The following PCDH15 variants were observed in gnomAD, a reference collection of about 807,000 sequenced individuals.
The protein encoded by PCDH15 is protocadherin-15.
A neutral mutation model predicts 178.5 loss-of-function variants in PCDH15; 129 were observed. The observed-to-expected ratio is 0.72, with a 90% CI of 0.63 to 0.84. The LOEUF (loss-of-function observed/expected upper bound fraction) is 0.84, where lower values mean the gene tolerates loss of function less well. Ranked by LOEUF, PCDH15 falls within the 40% of genes least tolerant of loss-of-function variation. The probability of loss-of-function intolerance (pLI) is 0.00; values close to 1 mark genes in which losing one functional copy is unlikely to be tolerated. For missense variants in PCDH15, 2,230 were observed against 2,099.9 expected, an observed-to-expected ratio of 1.06 and a Z score of -1.21; for synonymous variants, 800 against 732.0, an observed-to-expected ratio of 1.09 and a Z score of -1.50.
chr10:54,337,640 A>G (rs1941441767), intron 6 of PCDH15, among the ~76,000 whole-genome samples: 1 of 152,132 alleles, frequency 6.6e-6, no homozygotes, highest in South Asian at 2.1e-4. Context: ...TTTGCCCCCT[A>G]TGCCATCCCT....
rs532454239 is a variant in PCDH15 at position 53,981,149 on chromosome 10, C to T, written c.2868+14500G>A. Among the ~76,000 whole-genome samples the T allele has an allele frequency of 4.7e-4, 71 of 151,846 alleles. No homozygotes were observed. The South Asian group carries it at 9.8e-3, about 21-fold the overall frequency. The stretch of plus-strand genomic sequence containing the variant: ...GATATAATTCTACAGAGTAATAAGG[C>T]GAGAATAATTAATATAGCAGAATGA... On this transcript the variant is annotated intron_variant, in intron 21 of 37. Transcript: ENST00000644397.
chr10:55,339,548 T>A (rs190967855), intron 2 of PCDH15, among the ~76,000 whole-genome samples: 1 of 152,300 alleles, frequency 6.6e-6, no homozygotes, highest in East Asian at 1.9e-4. Flanking sequence ...AAAAGGTTTT[T>A]CTATGCTGCA....
intron 2 of PCDH15, among the ~76,000 whole-genome samples, chr10:55,544,511 T>C (rs1465937449): frequency 6.6e-6 from 1 of 152,148 alleles, no homozygotes; most frequent in Non-Finnish European, 1.5e-5. Flanking sequence ...ATAAAGATCA[T>C]TACTTGTTTT....
At chr10:55,132,223 A>G (rs909721298) in intron 2 of PCDH15, among the ~76,000 whole-genome samples, 3 of 152,320 alleles carry the variant, frequency 2.0e-5, no homozygotes, top group African/African-American at 7.2e-5. Flanking sequence ...CTAACTTCTT[A>G]TACTTATTTG....
intron 5 of PCDH15, among the ~76,000 whole-genome samples, chr10:54,367,715 G>T (rs1194296104): frequency 6.6e-6 from 1 of 151,790 alleles, no homozygotes; most frequent in African/African-American, 2.4e-5. Flanking sequence ...TAGATGATGG[G>T]TTGATGGGTG....
At chr10:55,363,530 T>C (rs1032223354) in intron 2 of PCDH15, among the ~76,000 whole-genome samples, 6 of 152,200 alleles carry the variant, frequency 3.9e-5, no homozygotes, top group African/African-American at 1.4e-4. Context: ...CCCACTATCT[T>C]TACATTTTCT....
At chr10:55,416,565 T>C (rs533009605) in intron 2 of PCDH15, among the ~76,000 whole-genome samples, 45 of 151,708 alleles carry the variant, frequency 3.0e-4, no homozygotes, top group Non-Finnish European at 5.5e-4. Flanking sequence ...ATCAGGGGAA[T>C]CATCAAACTT....
At chr10:55,233,240 C>T (rs375841250) in intron 1 of PCDH15, among the ~76,000 whole-genome samples, 1 of 151,982 alleles carries the variant, frequency 6.6e-6, no homozygotes, top group Non-Finnish European at 1.5e-5. Context: ...ATAACTTTCA[C>T]GTTTCTCCTT....
At chr10:54,468,298 TA>T (rs1366849242) in intron 3 of PCDH15, among the ~76,000 whole-genome samples, 3 of 152,016 alleles carry the variant, frequency 2.0e-5, no homozygotes, top group South Asian at 2.1e-4. Flanking sequence ...CGTTTATTGC[TA>T]AAAACTTTCC....
chr10:54,625,564 GCTCT>G (rs1447405019), intron 2 of PCDH15, among the ~76,000 whole-genome samples: 1 of 152,128 alleles, frequency 6.6e-6, no homozygotes, highest in Non-Finnish European at 1.5e-5. Context: ...GCCTGCACAA[GCTCT>G]CTCTTTGCCT....
intron 13 of PCDH15, 42 bp from the exon 14 acceptor site, chr10:54,153,335 C>T (rs755392703): frequency 2.5e-6 from 4 of 1,604,410 alleles, no homozygotes; most frequent in South Asian, 2.2e-5. Flanking sequence ...TGGGTCTCAA[C>T]TTTTCACCAC....
At chr10:55,116,059 A>G (rs1196100542) in intron 2 of PCDH15, among the ~76,000 whole-genome samples, 1 of 152,178 alleles carries the variant, frequency 6.6e-6, no homozygotes, top group Non-Finnish European at 1.5e-5. Flanking sequence ...AATAAATTTG[A>G]GGACACTGTA....
At chr10:54,780,609 G>T (rs545349819) in intron 1 of PCDH15, among the ~76,000 whole-genome samples, 3 of 151,900 alleles carry the variant, frequency 2.0e-5, no homozygotes, top group African/African-American at 7.2e-5. Flanking sequence ...AACATTTTGA[G>T]GAAGGAAAGC....
intron 3 of PCDH15, among the ~76,000 whole-genome samples, chr10:54,518,900 G>A (rs1197161004): frequency 6.6e-6 from 1 of 152,130 alleles, no homozygotes; most frequent in Admixed American, 6.5e-5. Flanking sequence ...TGCAAGGCTG[G>A]TTCAATATAT....
chr10:54,874,422 G>A (rs575638711), intron 3 of PCDH15, among the ~76,000 whole-genome samples: 49 of 150,810 alleles, frequency 3.2e-4, no homozygotes, highest in African/African-American at 9.5e-4. Flanking sequence ...GAATAATGCT[G>A]CAATAAACAT....
intron 2 of PCDH15, among the ~76,000 whole-genome samples, chr10:54,961,719 C>T (rs1018726845): frequency 1.3e-5 from 2 of 152,176 alleles, no homozygotes; most frequent in Admixed American, 1.3e-4. Context: ...TTTGGGTCTC[C>T]TCTGTACTCT....
intron 3 of PCDH15, among the ~76,000 whole-genome samples, chr10:54,430,049 CTTTTTTTTTT>C (rs34182878): frequency 8.4e-6 from 1 of 119,544 alleles, no homozygotes; most frequent in South Asian, 2.6e-4. Context: ...CCTTCTTCTC[CTTTTTTTTTT>C]TTTTTTTTTT....
intron 1 of PCDH15, among the ~76,000 whole-genome samples, chr10:54,788,028 AG>A (rs2133509397): frequency 6.6e-6 from 1 of 151,996 alleles, no homozygotes; most frequent in South Asian, 2.1e-4. Flanking sequence ...GAAAGAAGAG[AG>A]GCACAGGAAG....
chr10:55,428,974 ATG>A (rs966134675), intron 2 of PCDH15, among the ~76,000 whole-genome samples: 7 of 152,024 alleles, frequency 4.6e-5, no homozygotes, highest in African/African-American at 1.7e-4. Context: ...TTTACAATGA[ATG>A]TGAGAACTTA....
Sources: gnomAD v4.1 joint callset for allele counts (sites outside exome capture counted in the v4.1 genomes callset) on GRCh38, gnomAD v4.1.1 for gene constraint, MANE v1.5 for transcripts, NCBI Gene and HGNC (gene_info 2026-07-23, HGNC 2026-07-21) for gene names.